PI4KA: variants seen among roughly 807,000 people sequenced by gnomAD.
The protein encoded by PI4KA is PI4-kinase alpha.
A neutral mutation model predicts 271.4 loss-of-function variants in PI4KA; 122 were observed. That is an observed-to-expected ratio of 0.45 (90% CI 0.39 to 0.52). The LOEUF (loss-of-function observed/expected upper bound fraction) is 0.52, where lower values mean the gene tolerates loss of function less well. Among genes scored for constraint, PI4KA ranks in the 20% least tolerant of loss-of-function variants. The pLI is 0.00. For missense variants in PI4KA, 1,969 were observed against 2,769.1 expected (o/e 0.71, Z 6.48); for synonymous variants, 1,041 against 1,078.8 (o/e 0.96, Z 0.69).
intron 13 of PI4KA, 81 bp downstream of exon 13, chr22:20,803,110 A>C (rs954451213): frequency 2.1e-6 from 3 of 1,418,104 alleles, no homozygotes; most frequent in Non-Finnish European, 3.0e-6. Context: ...ACCCAGGTAC[A>C]GTCATGAAAC....
rs763073288 is a variant in PI4KA, at chr22:20,798,687, G to T, written c.2005C>A (p.Gln669Lys). ...QLGCLVITGN[Q>K]YIYQEVWNLF... ...TTCCACACTTCCTGATAGATGTATT[G>T]CTGGGAGAGAGCAAGATGCACTGTC... is the stretch of plus-strand genomic sequence containing the variant. The change falls in exon 17 of 55, where the codon CAA becomes AAA. Residue 669 changes from glutamine to lysine, a missense_variant and splice_region_variant. This residue lies in a region of PI4KA where 228 missense variants were observed against 261.6 expected (regional missense o/e 0.87). Coordinates refer to ENST00000255882, the MANE Select transcript of PI4KA (RefSeq NM_058004.4). 1 of 1,604,096 alleles carries T rather than the reference G, an allele frequency of 6.2e-7. No homozygotes were observed. Among genetic ancestry groups the T allele is most frequent in the South Asian group, 1.1e-5 (1 of 90,880 alleles).
At chr22:20,811,425 C>A (rs1920994308) in intron 8 of PI4KA, among the ~76,000 whole-genome samples, 2 of 152,130 alleles carry the variant, frequency 1.3e-5, no homozygotes, top group South Asian at 4.1e-4. Context: ...ACCCTCACAG[C>A]CAGTCCTTGG....
intron 19 of PI4KA, among the ~76,000 whole-genome samples, chr22:20,776,349 G>A (rs1196732892): frequency 1.3e-5 from 2 of 152,030 alleles, no homozygotes; most frequent in Admixed American, 1.3e-4. Context: ...AAAAGAAATC[G>A]TTTCTAGAAA....
chr22:20,742,927 C>T (rs1389835626), intron 30 of PI4KA, 163 bp from the exon 31 acceptor site: 8 of 622,980 alleles, frequency 1.3e-5, no homozygotes, highest in Non-Finnish European at 2.3e-5. Context: ...ATGATGCTAC[C>T]ACTGATCACA....
intron 8 of PI4KA, among the ~76,000 whole-genome samples, chr22:20,813,070 G>C (rs1300089707): frequency 6.6e-6 from 1 of 152,212 alleles, no homozygotes; most frequent in East Asian, 1.9e-4. Context: ...ATGCAGCCCA[G>C]CTGCTGGCCT....
intron 32 of PI4KA, among the ~76,000 whole-genome samples, chr22:20,741,478 G>A (rs1206037793): frequency 6.6e-6 from 1 of 152,058 alleles, no homozygotes; most frequent in Non-Finnish European, 1.5e-5. Context: ...TCCCCCAGGC[G>A]CCCACTGGAC....
intron 14 of PI4KA, among the ~76,000 whole-genome samples, chr22:20,800,292 T>A (rs1356350885): frequency 6.6e-6 from 1 of 152,200 alleles, no homozygotes; most frequent in East Asian, 1.9e-4. Context: ...GCTGCCATCT[T>A]GATTTAGCTT....
intron 32 of PI4KA, among the ~76,000 whole-genome samples, chr22:20,741,001 G>T (rs1041785066): frequency 6.6e-6 from 1 of 152,208 alleles, no homozygotes; most frequent in Non-Finnish European, 1.5e-5. Context: ...TGTGAGTGAT[G>T]AAAAACATTT....
intron 1 of PI4KA, among the ~76,000 whole-genome samples, chr22:20,858,209 C>CA (rs932347566): frequency 7.2e-5 from 11 of 152,312 alleles, no homozygotes; most frequent in Middle Eastern, 3.4e-3. Flanking sequence ...CAGGTCTTGA[C>CA]CCCTGGTCCT....
At chr22:20,844,352 T>A (rs1925977788) in intron 1 of PI4KA, among the ~76,000 whole-genome samples, 1 of 152,176 alleles carries the variant, frequency 6.6e-6, no homozygotes, top group Non-Finnish European at 1.5e-5. Context: ...AACTACACTG[T>A]GATAATTGTC....
At chr22:20,857,310 G>C (rs1927719465) in intron 1 of PI4KA, among the ~76,000 whole-genome samples, 1 of 152,186 alleles carries the variant, frequency 6.6e-6, no homozygotes, top group Middle Eastern at 3.2e-3. Context: ...TTAGCTAGAA[G>C]TCAGGTTAGC....
In PI4KA at chr22:20,752,920, T is replaced by A; in HGVS notation, c.2970A>T (p.Leu990=). The A allele has an allele frequency of 6.2e-7, 1 of 1,613,992 alleles. No individual in the cohort carries two copies. Among genetic ancestry groups the A allele is most frequent in the Non-Finnish European group, 8.5e-7 (1 of 1,179,806 alleles). Residue 990 remains leucine, a synonymous_variant, in exon 25 of 55, where the codon CTA becomes CTT. Transcript: ENST00000255882. ...KRIRRVADKY[L]SGLVDKFPHL... The stretch of plus-strand genomic sequence containing the variant: ...GAGCTTACTTATCCACCAGACCAGA[T>A]AGATACTTGTCTGCCACCCTCCTTA...
intron 19 of PI4KA, among the ~76,000 whole-genome samples, chr22:20,766,162 AG>A (rs1932506384): frequency 6.6e-6 from 1 of 152,196 alleles, no homozygotes; most frequent in African/African-American, 2.4e-5. Flanking sequence ...CCAGAGCTTG[AG>A]GAAGGGATGC....
intron 1 of PI4KA, among the ~76,000 whole-genome samples, chr22:20,841,482 G>GAA (rs1925550447): frequency 6.6e-6 from 1 of 152,064 alleles, no homozygotes; most frequent in South Asian, 2.1e-4. Flanking sequence ...CATTTAAATA[G>GAA]AAATAATCTG....
rs1308565698 is a variant in PI4KA at position 20,783,263 on chromosome 22, TA to T, written c.2328+9929del. Among the ~76,000 whole-genome samples the T allele has an allele frequency of 2.0e-5, 3 of 152,230 alleles. No homozygotes were observed. The East Asian group carries it at 5.8e-4, about 29-fold the overall frequency. ...ACATGGCATCACCCAAATGTCTTGTTAGTCACTACAGAATCACAGTGTGAGG... is the reference window on the plus strand; with the variant it reads ...ACATGGCATCACCCAAATGTCTTGTTGTCACTACAGAATCACAGTGTGAGG... On this transcript the variant is annotated intron_variant, in intron 19 of 54. Transcript: ENST00000255882.
chr22:20,765,749 C>T (rs1932465720), intron 19 of PI4KA, 56 bp from the exon 20 acceptor site: 1 of 1,153,270 alleles, frequency 8.7e-7, no homozygotes, highest in African/African-American at 1.5e-5. Context: ...AAACCCTAAG[C>T]CCTGTAGGTG....
At chr22:20,737,819 C>T (rs1928921028) in intron 32 of PI4KA, among the ~76,000 whole-genome samples, 1 of 152,108 alleles carries the variant, frequency 6.6e-6, no homozygotes, top group Non-Finnish European at 1.5e-5. Flanking sequence ...TTAGTAGAGA[C>T]AGGGTTTCTC....
intron 23 of PI4KA, among the ~76,000 whole-genome samples, chr22:20,760,720 G>T (rs1426612760): frequency 6.6e-6 from 1 of 152,104 alleles, no homozygotes; most frequent in Non-Finnish European, 1.5e-5. Flanking sequence ...TTTGATCATT[G>T]TAACATTTTT....
At chr22:20,795,135 A>G (rs911148404) in intron 18 of PI4KA, among the ~76,000 whole-genome samples, 3 of 152,164 alleles carry the variant, frequency 2.0e-5, no homozygotes, top group African/African-American at 7.2e-5. Flanking sequence ...TTTTCTTTAA[A>G]TAATCTGATC....
Sources: gnomAD v4.1 joint callset for allele counts (sites outside exome capture counted in the v4.1 genomes callset) on GRCh38, gnomAD v4.1.1 for gene constraint, gnomAD v4.1.1 regional missense constraint, MANE v1.5 for transcripts, NCBI Gene and HGNC (gene_info 2026-07-23, HGNC 2026-07-21) for gene names.